Variants in CCNT1 observed in about 807,000 individuals in gnomAD.
CCNT1 encodes cyclin T1, also known as cyclin-T1.
In CCNT1, 18 loss-of-function variants were observed where a neutral mutation model predicts 67.3. The ratio of observed to expected loss-of-function variants is 0.27; its 90% confidence interval spans 0.18 to 0.40. CCNT1 has a LOEUF of 0.40. CCNT1 is among the 10% of genes least tolerant of loss of function. CCNT1 has a pLI of 1.00. For missense variants in CCNT1, 744 were observed against 884.9 expected (o/e 0.84, Z 2.02); for synonymous variants, 333 against 310.3 (o/e 1.07, Z -0.77).
In CCNT1 at chr12:48,694,219, T is replaced by C; in HGVS notation, c.995A>G (p.Lys332Arg). ...NLTSVEMLPG[K>R]RWLSSQPSFK... ...AGAAGGTTGGGAGGACAGCCAACGC[T>C]TGCCCGGCAACATCTCCACACTGGT... The change falls in exon 9 of 9, where the codon AAG (lysine) becomes AGG (arginine). Residue 332 changes from lysine to arginine, a missense_variant. This residue lies in a region of CCNT1 where 564 missense variants were observed against 574.2 expected (regional missense o/e 0.98). Coordinates refer to ENST00000261900, the MANE Select transcript of CCNT1 (RefSeq NM_001240.4). 1 of 1,614,222 alleles carries C rather than the reference T, an allele frequency of 6.2e-7. No individual in the cohort carries two copies. The highest frequency in any genetic ancestry group is 8.5e-7 in the Non-Finnish European group (1 of 1,180,036).
At chr12:48,700,085 C>T (rs1592120672) in intron 4 of CCNT1, among the ~76,000 whole-genome samples, 1 of 151,728 alleles carries the variant, frequency 6.6e-6, no homozygotes, top group Non-Finnish European at 1.5e-5. Flanking sequence ...TTTGGGAGGC[C>T]GAGGCGAGCG....
At chr12:48,705,961 T>G in intron 2 of CCNT1, 65 bp from the exon 3 acceptor site, 5 of 1,461,594 alleles carry the variant, frequency 3.4e-6, no homozygotes, top group Non-Finnish European at 4.6e-6. Flanking sequence ...AAGGTAGATC[T>G]AAAGAGGAGC....
intron 1 of CCNT1, among the ~76,000 whole-genome samples, chr12:48,715,571 C>T (rs370560568): frequency 7.2e-5 from 11 of 152,166 alleles, no homozygotes; most frequent in African/African-American, 2.4e-4. Flanking sequence ...AGCGATTTTC[C>T]TGCGTCGGCC....
chr12:48,707,693 T>A (rs891037926), intron 2 of CCNT1, among the ~76,000 whole-genome samples: 4 of 147,436 alleles, frequency 2.7e-5, no homozygotes, highest in South Asian at 4.1e-4. Context: ...AATAAATTTT[T>A]AAAACAAAGT....
chr12:48,709,375 A>C (rs1005212142), intron 2 of CCNT1, among the ~76,000 whole-genome samples: 6 of 152,152 alleles, frequency 3.9e-5, no homozygotes, highest in Non-Finnish European at 5.9e-5. Context: ...AGTAGGGCAA[A>C]CTGACACTAC....
In CCNT1 at chr12:48,693,323, T is replaced by C. The variant is rs1318683935; in HGVS notation, c.1891A>G (p.Lys631Glu). ...AGTTTCGAATGAGGGACACGAGTTT[T>C]ACAGCTGGGCTGTGAAAAGGAAAGG... ...SGLSFSQPSC[K>E]TRVPHSKLDK... The change falls in exon 9 of 9, where the codon AAA (lysine) becomes GAA (glutamate). Residue 631 changes from lysine (K) to glutamate (E), a missense_variant. This residue lies in a region of CCNT1 where 564 missense variants were observed against 574.2 expected (regional missense o/e 0.98). Coordinates refer to ENST00000261900, the MANE Select transcript of CCNT1 (RefSeq NM_001240.4). The C allele has an allele frequency of 6.2e-7, 1 of 1,614,124 alleles. No individual in the cohort carries two copies. Among genetic ancestry groups the C allele is most frequent in the African/African-American group, 1.3e-5 (1 of 74,946 alleles).
At chr12:48,698,004 G>C (rs1940204778) in intron 6 of CCNT1, 134 bp downstream of exon 6, 1 of 533,610 alleles carries the variant, frequency 1.9e-6, no homozygotes, top group African/African-American at 2.0e-5. Flanking sequence ...AAGTACCATG[G>C]AAATTTAAAG....
At position 48,701,009 on chromosome 12, in the gene CCNT1, T is replaced by C. The variant is rs756385779; in HGVS notation, c.433+4A>G. On this transcript the variant is annotated splice_donor_region_variant and intron_variant, in intron 4 of 8. Coordinates refer to ENST00000261900, the MANE Select transcript of CCNT1 (RefSeq NM_001240.4). ...AAAAATGTTTCAAAGGAAAATAAAC[T>C]TACCTAAAGTCTGCAAAATTATGCT... The C allele has an allele frequency of 1.3e-6, 2 of 1,517,942 alleles. No individual in the cohort carries two copies. Among genetic ancestry groups the C allele is most frequent in the Non-Finnish European group, 1.8e-6 (2 of 1,111,828 alleles). 94.0% of individuals were successfully genotyped at this position (1,517,942 alleles called of 1,614,324 possible).
intron 2 of CCNT1, among the ~76,000 whole-genome samples, chr12:48,708,829 G>A (rs1043379684): frequency 2.6e-5 from 4 of 152,052 alleles, no homozygotes; most frequent in African/African-American, 7.2e-5. Flanking sequence ...TTATAGGCTG[G>A]GTGCAGACTC....
chr12:48,713,904 T>G (rs1038549608), intron 2 of CCNT1, among the ~76,000 whole-genome samples: 2 of 148,012 alleles, frequency 1.4e-5, no homozygotes, highest in African/African-American at 5.3e-5. Flanking sequence ...TTTTTTGGGG[T>G]TTTTTTTGAA....
rs1940095871 is a variant in CCNT1 at position 48,692,722 on chromosome 12, G to C, written c.*311C>G. 4.2e-6 allele frequency: 1 copy of C among 236,708 alleles called. No homozygotes were observed. Among genetic ancestry groups the C allele is most frequent in the South Asian group, 1.2e-4 (1 of 8,230 alleles). The allele number at this position is 236,708 out of a possible 1,614,324, so 14.7% of individuals were successfully genotyped here. A position where few individuals can be genotyped will look rare whatever the true frequency, so the allele number is the denominator to read the frequency against. On this transcript the variant is annotated 3_prime_UTR_variant, in exon 9 of 9. Coordinates refer to ENST00000261900, the MANE Select transcript of CCNT1 (RefSeq NM_001240.4). Reference sequence around the variant, plus strand: ...CTCCATTTTTCAGCTCTGGCAAGAAGAGGGAAGATATCAACTCCAATCAAC... The same window carrying C: ...CTCCATTTTTCAGCTCTGGCAAGAACAGGGAAGATATCAACTCCAATCAAC...
At chr12:48,710,993 G>A (rs185424612) in intron 2 of CCNT1, among the ~76,000 whole-genome samples, 64 of 152,168 alleles carry the variant, frequency 4.2e-4, no homozygotes, top group African/African-American at 1.3e-3. Context: ...CCCAGGAGGC[G>A]GAGGTTGCAG....
chr12:48,714,959 C>T (rs1333675069), intron 1 of CCNT1, among the ~76,000 whole-genome samples: 1 of 152,064 alleles, frequency 6.6e-6, no homozygotes, highest in Admixed American at 6.5e-5. Context: ...ATTACAGGCG[C>T]CCACCAACAG....
At chr12:48,710,889 C>T (rs994184536) in intron 2 of CCNT1, among the ~76,000 whole-genome samples, 8 of 152,022 alleles carry the variant, frequency 5.3e-5, no homozygotes, top group South Asian at 2.1e-4. Context: ...GGTGAAACCC[C>T]GTCTCTACTA....
chr12:48,689,214 T>C lies in CCNT1; in HGVS notation c.*3819A>G, dbSNP rs974831951. Reference sequence around the variant, plus strand: ...GACACTGCTTTTAGTAAACGTCCTTTTTCTTTACCTCCCTTTTCCAATGCC... The same window carrying C: ...GACACTGCTTTTAGTAAACGTCCTTCTTCTTTACCTCCCTTTTCCAATGCC... On this transcript the variant is annotated 3_prime_UTR_variant, in exon 9 of 9. Coordinates refer to ENST00000261900, the MANE Select transcript of CCNT1 (RefSeq NM_001240.4). 1 of 152,204 alleles carries C rather than the reference T, an allele frequency of 6.6e-6. No individual in the cohort carries two copies. The highest frequency in any genetic ancestry group is 2.4e-5 in the African/African-American group (1 of 41,444). 9.4% of individuals were successfully genotyped at this position (152,204 alleles called of 1,614,324 possible).
At chr12:48,701,104 A>AC in intron 3 of CCNT1, 31 bp from the exon 4 acceptor site, 1 of 1,304,850 alleles carries the variant, frequency 7.7e-7, no homozygotes, top group Non-Finnish European at 1.1e-6. Context: ...ATTATTCCCT[A>AC]CAAAGGCACA....
intron 1 of CCNT1, among the ~76,000 whole-genome samples, chr12:48,715,988 T>C (rs962531756): frequency 2.0e-5 from 3 of 152,214 alleles, no homozygotes; most frequent in African/African-American, 7.2e-5. Flanking sequence ...TCCCATTTTA[T>C]AGACAAGACG....
chr12:48,695,862 G>A (rs751370740), intron 7 of CCNT1, 33 bp from the exon 8 acceptor site: 3 of 1,546,530 alleles, frequency 1.9e-6, no homozygotes, highest in Non-Finnish European at 2.7e-6. Context: ...AAGAAAGACT[G>A]AGAGAAACAG....
At chr12:48,714,118 G>A (rs1940498364) in intron 2 of CCNT1, among the ~76,000 whole-genome samples, 1 of 152,134 alleles carries the variant, frequency 6.6e-6, no homozygotes, top group African/African-American at 2.4e-5. Context: ...ATGTTGCCCA[G>A]GCTGGTTTTG....
Sources: gnomAD v4.1 joint callset for allele counts (sites outside exome capture counted in the v4.1 genomes callset) on GRCh38, gnomAD v4.1.1 for gene constraint, gnomAD v4.1.1 regional missense constraint, MANE v1.5 for transcripts, NCBI Gene and HGNC (gene_info 2026-07-23, HGNC 2026-07-21) for gene names.